The following RSRC1 variants were observed in gnomAD, a reference collection of about 807,000 sequenced individuals.
RSRC1 encodes the protein arginine and serine rich coiled-coil 1.
A neutral mutation model predicts 49.1 loss-of-function variants in RSRC1; 39 were observed. That is an observed-to-expected ratio of 0.79 (90% confidence interval 0.61 to 1.04). The LOEUF (loss-of-function observed/expected upper bound fraction) is 1.04. Ranked by LOEUF, RSRC1 falls within the 50% of genes least tolerant of loss-of-function variation. The pLI is 0.00. For synonymous variants in RSRC1, 143 were observed against 130.8 expected, an observed-to-expected ratio of 1.09 and a Z score of -0.63; for missense variants, 388 against 402.4, an observed-to-expected ratio of 0.96 and a Z score of 0.31.
At chr3:158,442,958 A>G (rs774475012) in intron 6 of RSRC1, among the ~76,000 whole-genome samples, 1 of 152,066 alleles carries the variant, frequency 6.6e-6, no homozygotes, top group Non-Finnish European at 1.5e-5. Flanking sequence ...TACTGTCAAT[A>G]AGCAATAATA....
chr3:158,270,247 A>C (rs572328480), intron 4 of RSRC1, among the ~76,000 whole-genome samples: 2 of 152,166 alleles, frequency 1.3e-5, no homozygotes, highest in Non-Finnish European at 2.9e-5. Flanking sequence ...AGCTAACCCC[A>C]GGGATCTAAT....
chr3:158,311,021 CA>C (rs917480730), intron 5 of RSRC1, among the ~76,000 whole-genome samples: 4 of 151,796 alleles, frequency 2.6e-5, no homozygotes, highest in African/African-American at 9.7e-5. Context: ...AGAAATTTTA[CA>C]GTGACAAAAG....
At chr3:158,513,237 A>G (rs1446399612) in intron 7 of RSRC1, among the ~76,000 whole-genome samples, 2 of 149,706 alleles carry the variant, frequency 1.3e-5, no homozygotes, top group Non-Finnish European at 3.0e-5. Flanking sequence ...ATTCAGTATG[A>G]TATTGGCTGT....
intron 4 of RSRC1, among the ~76,000 whole-genome samples, chr3:158,207,195 T>C (rs2108283856): frequency 6.6e-6 from 1 of 152,232 alleles, no homozygotes; most frequent in Non-Finnish European, 1.5e-5. Flanking sequence ...ACAAGAGAGT[T>C]TGAGATCAAG....
In RSRC1 at chr3:158,151,759, T is replaced by A. The variant is rs1040663239; in HGVS notation, c.320+27768T>A. 3.9e-5 allele frequency among the ~76,000 whole-genome samples: 6 copies of A among 152,304 alleles called. No homozygotes were observed. In the East Asian group the frequency reaches 1.2e-3, roughly 29 times the overall value. On this transcript the variant is annotated intron_variant, in intron 3 of 9. Coordinates refer to ENST00000611884, the MANE Select transcript of RSRC1 (RefSeq NM_001271838.2). The stretch of plus-strand genomic sequence containing the variant: ...ACCCTTTTAGGCATGCAAAAAGTTC[T>A]GGGAGGACACAGTGTCATTATATGT...
At chr3:158,306,809 T>C (rs1727863071) in intron 5 of RSRC1, among the ~76,000 whole-genome samples, 1 of 151,956 alleles carries the variant, frequency 6.6e-6, no homozygotes, top group South Asian at 2.1e-4. Context: ...ATCATCGTAT[T>C]ATAGTATAAT....
intron 7 of RSRC1, among the ~76,000 whole-genome samples, chr3:158,477,239 T>C (rs114082488): frequency 1.0e-3 from 155 of 152,170 alleles, no homozygotes; most frequent in African/African-American, 3.3e-3. Flanking sequence ...ACTTAGTTGA[T>C]AAAGCAGTGG....
In RSRC1 at chr3:158,110,459, C is replaced by A. The variant is rs1263665082; in HGVS notation, c.-3+236C>A. 9 of 152,768 alleles carry A rather than the reference C, an allele frequency of 5.9e-5. No individual in the cohort carries two copies. The East Asian group carries it at 1.7e-3, about 29-fold the overall frequency. 9.5% of individuals were successfully genotyped at this position (152,768 alleles called of 1,614,324 possible). ...TGTAGGGTGGGTGGGTGGCCGCAGG[C>A]CTCAAGCTTGGCCTTCTGTCTTGAG... On this transcript the variant is annotated intron_variant, in intron 1 of 9. Coordinates refer to ENST00000611884, the MANE Select transcript of RSRC1 (RefSeq NM_001271838.2).
intron 4 of RSRC1, among the ~76,000 whole-genome samples, chr3:158,241,118 C>T (rs1196578522): frequency 6.6e-6 from 1 of 152,086 alleles, no homozygotes. Flanking sequence ...GTATAGAACA[C>T]CCTATTTATT....
intron 3 of RSRC1, among the ~76,000 whole-genome samples, chr3:158,139,140 C>A (rs978039057): frequency 6.6e-6 from 1 of 152,150 alleles, no homozygotes; most frequent in Non-Finnish European, 1.5e-5. Flanking sequence ...GTAGCTCACA[C>A]CTGTAATCCC....
At chr3:158,400,041 T>C (rs1733822201) in intron 6 of RSRC1, among the ~76,000 whole-genome samples, 1 of 152,156 alleles carries the variant, frequency 6.6e-6, no homozygotes, top group Non-Finnish European at 1.5e-5. Flanking sequence ...TTTCAGTCTA[T>C]TTGCCAGAAA....
Position 158,435,195 on chromosome 3 carries a change from A to G in RSRC1, c.584-25740A>G, listed in dbSNP as rs1199092637. 2.0e-5 allele frequency among the ~76,000 whole-genome samples: 3 copies of G among 151,908 alleles called. No homozygotes were observed. The East Asian group carries it at 5.8e-4, about 30-fold the overall frequency. ...CTATTTTTTTAAAATTTGTGTTTCA[A>G]GTGTTTGAAGTGAAATCTCTTGCAT... On this transcript the variant is annotated intron_variant, in intron 6 of 9. Coordinates refer to ENST00000611884, the MANE Select transcript of RSRC1 (RefSeq NM_001271838.2).
At chr3:158,223,160 C>T (rs974318779) in intron 4 of RSRC1, among the ~76,000 whole-genome samples, 12 of 151,608 alleles carry the variant, frequency 7.9e-5, no homozygotes, top group African/African-American at 1.7e-4. Flanking sequence ...TGATCTTCCT[C>T]GTATGCCCTT....
At chr3:158,537,632 T>G (rs1212240205) in intron 8 of RSRC1, among the ~76,000 whole-genome samples, 1 of 151,680 alleles carries the variant, frequency 6.6e-6, no homozygotes, top group Non-Finnish European at 1.5e-5. Flanking sequence ...GCCCAGATGA[T>G]TATCACTTAT....
At chr3:158,151,668 C>T (rs925392389) in intron 3 of RSRC1, among the ~76,000 whole-genome samples, 1 of 152,076 alleles carries the variant, frequency 6.6e-6, no homozygotes, top group African/African-American at 2.4e-5. Flanking sequence ...AATGCAGAAC[C>T]AGTATTCTTA....
chr3:158,355,003 A>G (rs566894425), intron 6 of RSRC1, 95 bp downstream of exon 6: 5 of 726,646 alleles, frequency 6.9e-6, no homozygotes, highest in South Asian at 4.9e-5. Flanking sequence ...AAAAAACACT[A>G]TTTTTATATA....
chr3:158,513,116 C>G (rs1242649437), intron 7 of RSRC1, among the ~76,000 whole-genome samples: 1 of 145,426 alleles, frequency 6.9e-6, no homozygotes, highest in Non-Finnish European at 1.5e-5. Context: ...TTTCCTTCTC[C>G]TGCCTAATTG....
chr3:158,283,752 G>C (rs761877915), intron 4 of RSRC1, among the ~76,000 whole-genome samples: 1 of 152,102 alleles, frequency 6.6e-6, no homozygotes, highest in Non-Finnish European at 1.5e-5. Context: ...GTGTATTGTT[G>C]AGAATGTTGA....
chr3:158,531,064 A>C lies in RSRC1; in HGVS notation c.653-6028A>C, dbSNP rs546521583. 6.0e-5 allele frequency among the ~76,000 whole-genome samples: 9 copies of C among 150,010 alleles called. No homozygotes were observed. In the South Asian group the frequency reaches 1.3e-3, roughly 21 times the overall value. On this transcript the variant is annotated intron_variant, in intron 7 of 9. Transcript: ENST00000611884. ...CTTTACTGCCCTTTAAATTTCAGTT[A>C]TTCAACAAATGTTTATTGACTGCTT...
Sources: allele counts gnomAD v4.1 joint callset (sites outside exome capture counted in the v4.1 genomes callset), GRCh38; gene constraint gnomAD v4.1.1; transcripts MANE v1.5; gene names NCBI Gene and HGNC (gene_info 2026-07-23, HGNC 2026-07-21).